Variants in CD36 observed in about 807,000 individuals in gnomAD.
CD36 encodes platelet glycoprotein 4.
A neutral mutation model predicts 55.2 loss-of-function variants in CD36; 119 were observed. The observed-to-expected ratio is 2.15, with a 90% CI of 1.86 to 2.51. CD36 has a LOEUF of 2.51. Ranked by LOEUF, CD36 falls within the 30% of genes most tolerant of loss-of-function variation. The probability of loss-of-function intolerance (pLI) is 0.00; values close to 1 mark genes in which losing one functional copy is unlikely to be tolerated. For missense variants in CD36, 819 were observed against 555.5 expected (o/e 1.47, Z -4.77); for synonymous variants, 186 against 193.6 (o/e 0.96, Z 0.33).
chr7:80,609,370 G>A (rs577471571), intron 1 of CD36, among the ~76,000 whole-genome samples: 3 of 152,038 alleles, frequency 2.0e-5, no homozygotes, highest in African/African-American at 4.8e-5. Context: ...CTCTGTACCC[G>A]GAGCTGTACA....
At chr7:80,670,308 G>A (rs1364285678) in intron 9 of CD36, 1 of 418,368 alleles carries the variant, frequency 2.4e-6, no homozygotes, top group East Asian at 5.3e-5. Context: ...CAGAGAAGAT[G>A]ATGCAAATGT....
intron 13 of CD36, chr7:80,673,663 A>C: frequency 1.8e-6 from 1 of 560,484 alleles, no homozygotes; most frequent in Non-Finnish European, 3.2e-6. Context: ...ATTGCCTGAC[A>C]AGGTATTTTT....
intron 1 of CD36, among the ~76,000 whole-genome samples, chr7:80,612,974 G>T (rs1224262834): frequency 1.3e-5 from 2 of 151,998 alleles, no homozygotes; most frequent in African/African-American, 4.8e-5. Context: ...CATATATTTA[G>T]GTAGTATATG....
At chr7:80,667,754 T>TTTTTTTGG (rs1554344797) in intron 8 of CD36, among the ~76,000 whole-genome samples, 2 of 128,782 alleles carry the variant, frequency 1.6e-5, no homozygotes, top group South Asian at 2.5e-4. Context: ...TTTGTTTTTT[T>TTTTTTTGG]TTTTTTTTTT....
At chr7:80,642,198 A>T (rs1794864308) in intron 1 of CD36, among the ~76,000 whole-genome samples, 3 of 152,144 alleles carry the variant, frequency 2.0e-5, no homozygotes, top group Admixed American at 1.3e-4. Flanking sequence ...AAGTATTTTA[A>T]GCAGGAAGTA....
At chr7:80,669,843 C>T (rs1797475798) in intron 8 of CD36, 110 bp from the exon 9 acceptor site, 4 of 798,894 alleles carry the variant, frequency 5.0e-6, no homozygotes, top group Admixed American at 1.7e-5. Flanking sequence ...AGATAAATTA[C>T]TTAGGCAGTT....
At chr7:80,650,936 A>AC (rs1795558091) in intron 3 of CD36, among the ~76,000 whole-genome samples, 1 of 151,686 alleles carries the variant, frequency 6.6e-6, no homozygotes, top group African/African-American at 2.4e-5. Context: ...TCAAAAAAAA[A>AC]AAAAAAACTA....
At chr7:80,603,212 C>G in intron 1 of CD36, among the ~76,000 whole-genome samples, 1 of 151,760 alleles carries the variant, frequency 6.6e-6, no homozygotes, top group South Asian at 2.1e-4. Flanking sequence ...ATGCATATTT[C>G]GAGACACAAT....
Position 80,613,805 on chromosome 7 carries a change from G to A in CD36, c.-184+11426G>A, listed in dbSNP as rs149809708. On this transcript the variant is annotated intron_variant, in intron 1 of 13. Coordinates refer to the CD36 transcript ENST00000309881. ...TAACTGAGTTGATTCCTTGTTAACA[G>A]TAATAAAAGGTAAATATTATCAATA... Among the ~76,000 whole-genome samples, 3 of 152,164 alleles carry A rather than the reference G, an allele frequency of 2.0e-5. No homozygotes were observed. The East Asian group carries it at 5.8e-4, about 29-fold the overall frequency.
intron 1 of CD36, among the ~76,000 whole-genome samples, chr7:80,625,360 T>C (rs1442886059): frequency 6.6e-6 from 1 of 152,146 alleles, no homozygotes; most frequent in Non-Finnish European, 1.5e-5. Context: ...AGAAACAAAC[T>C]ATGCCTTAAC....
intron 8 of CD36, among the ~76,000 whole-genome samples, chr7:80,669,410 GATA>G (rs1797427925): frequency 1.3e-5 from 2 of 152,030 alleles, no homozygotes; most frequent in African/African-American, 4.8e-5. Context: ...AAATATTTTG[GATA>G]TTAATAAGTT....
At chr7:80,670,318 T>TAACA in intron 9 of CD36, 1 of 403,862 alleles carries the variant, frequency 2.5e-6, no homozygotes, top group South Asian at 2.2e-5. Context: ...GATGCAAATG[T>TAACA]AACAGAACTG....
intron 4 of CD36, among the ~76,000 whole-genome samples, chr7:80,657,222 G>A (rs1157034315): frequency 6.6e-6 from 1 of 152,134 alleles, no homozygotes; most frequent in Non-Finnish European, 1.5e-5. Flanking sequence ...CAGACCAAAT[G>A]AATGAAAGAG....
chr7:80,602,466 T>G (rs1275503363), intron 1 of CD36: 1 of 152,174 alleles, frequency 6.6e-6, no homozygotes, highest in African/African-American at 2.4e-5. Flanking sequence ...CTATTATTTT[T>G]GGGCTCTCTA....
chr7:80,660,130 A>C (rs1016164087), intron 4 of CD36, among the ~76,000 whole-genome samples: 2 of 152,172 alleles, frequency 1.3e-5, no homozygotes, highest in African/African-American at 2.4e-5. Context: ...CAGGCATTCA[A>C]ATATGACAGT....
At chr7:80,641,052 T>A (rs1466739999) in intron 1 of CD36, among the ~76,000 whole-genome samples, 2 of 152,068 alleles carry the variant, frequency 1.3e-5, no homozygotes, top group African/African-American at 4.8e-5. Flanking sequence ...TCTTTGGAGA[T>A]GACTCAGAGC....
chr7:80,619,333 A>C (rs1793329459), intron 1 of CD36, among the ~76,000 whole-genome samples: 1 of 152,190 alleles, frequency 6.6e-6, no homozygotes, highest in South Asian at 2.1e-4. Context: ...TGTTGTTTTC[A>C]TGCCTGCTAA....
At chr7:80,641,530 C>A (rs1794811231) in intron 1 of CD36, among the ~76,000 whole-genome samples, 2 of 151,672 alleles carry the variant, frequency 1.3e-5, no homozygotes, top group Admixed American at 6.6e-5. Flanking sequence ...GTTTTCTATC[C>A]TAAGAAAAAG....
intron 3 of CD36, among the ~76,000 whole-genome samples, chr7:80,651,463 T>A (rs1795615392): frequency 6.6e-6 from 1 of 152,166 alleles, no homozygotes; most frequent in African/African-American, 2.4e-5. Flanking sequence ...AAAGGAATTA[T>A]AGGTTTCTTT....
Sources: allele counts gnomAD v4.1 joint callset (sites outside exome capture counted in the v4.1 genomes callset), GRCh38; gene constraint gnomAD v4.1.1; transcripts MANE v1.5; gene names NCBI Gene and HGNC (gene_info 2026-07-23, HGNC 2026-07-21).